CDH13: variants seen among roughly 807,000 people sequenced by gnomAD.
The protein encoded by CDH13 is cadherin-13.
Under a neutral mutation model 63.8 loss-of-function variants are expected in CDH13, and 24 were observed. That is an observed-to-expected ratio of 0.38 (90% CI 0.27 to 0.53). The LOEUF (loss-of-function observed/expected upper bound fraction) is 0.53, where lower values mean the gene tolerates loss of function less well. Among genes scored for constraint, CDH13 ranks in the 20% least tolerant of loss-of-function variants. The pLI is 0.85. For missense variants in CDH13, 1,049 were observed against 903.1 expected (o/e 1.16, Z -2.07); for synonymous variants, 503 against 355.3 (o/e 1.42, Z -4.67).
intron 6 of CDH13, among the ~76,000 whole-genome samples, chr16:83,436,531 A>G (rs79716069): frequency 0.048 from 7,319 of 152,288 alleles, 186 homozygotes; most frequent in South Asian, 0.097. Context: ...TCTTCATGCC[A>G]TGGACACCTT....
chr16:83,214,541 C>G (rs1371711085), intron 4 of CDH13, among the ~76,000 whole-genome samples: 4 of 119,890 alleles, frequency 3.3e-5, no homozygotes, highest in African/African-American at 1.2e-4. Flanking sequence ...AATTGCACCA[C>G]TGCATTCCAG....
At chr16:82,829,062 T>C (rs1438330871) in intron 1 of CDH13, among the ~76,000 whole-genome samples, 1 of 152,156 alleles carries the variant, frequency 6.6e-6, no homozygotes, top group East Asian at 1.9e-4. Context: ...TATGAAACAA[T>C]ACATTGTCCA....
At chr16:83,782,079 G>C (rs153650) in intron 12 of CDH13, among the ~76,000 whole-genome samples, 123,074 of 152,100 alleles carry the variant, frequency 0.81, 49,813 homozygotes, top group Admixed American at 0.84. Context: ...CATGCTTCAT[G>C]TATTTTTATT....
intron 2 of CDH13, among the ~76,000 whole-genome samples, chr16:82,886,282 G>T (rs2040883389): frequency 1.3e-5 from 2 of 152,102 alleles, no homozygotes. Context: ...AAGTGAAATT[G>T]GTGGTTACAG....
intron 9 of CDH13, among the ~76,000 whole-genome samples, chr16:83,676,245 T>C (rs930548310): frequency 4.6e-5 from 7 of 152,168 alleles, no homozygotes; most frequent in Non-Finnish European, 8.8e-5. Flanking sequence ...TCCTCCTGCT[T>C]GTGCATACGT....
intron 7 of CDH13, among the ~76,000 whole-genome samples, chr16:83,589,154 T>C (rs1906469757): frequency 6.6e-6 from 1 of 152,120 alleles, no homozygotes; most frequent in Admixed American, 6.5e-5. Flanking sequence ...TAAAGGCCCC[T>C]GGAATTCCTT....
At chr16:82,706,953 T>C (rs532122383) in intron 1 of CDH13, among the ~76,000 whole-genome samples, 5 of 152,324 alleles carry the variant, frequency 3.3e-5, no homozygotes, top group African/African-American at 1.2e-4. Context: ...GTTATAAAAT[T>C]ATTCTGCCTT....
intron 5 of CDH13, among the ~76,000 whole-genome samples, chr16:83,304,465 C>A (rs1368056747): frequency 1.3e-5 from 2 of 151,840 alleles, no homozygotes; most frequent in Admixed American, 6.6e-5. Context: ...TTCAAGCTTC[C>A]CTAGAAGTCT....
At chr16:83,754,462 G>A (rs937752731) in intron 11 of CDH13, among the ~76,000 whole-genome samples, 1 of 152,100 alleles carries the variant, frequency 6.6e-6, no homozygotes, top group East Asian at 1.9e-4. Context: ...TTACTAAGTT[G>A]ATGAAGCAAG....
At chr16:82,704,696 G>T (rs1361324335) in intron 1 of CDH13, among the ~76,000 whole-genome samples, 1 of 152,200 alleles carries the variant, frequency 6.6e-6, no homozygotes, top group Non-Finnish European at 1.5e-5. Context: ...CAGTCATCAA[G>T]AGCTAAGGAT....
intron 10 of CDH13, among the ~76,000 whole-genome samples, chr16:83,746,871 T>C (rs1912633360): frequency 6.6e-6 from 1 of 152,222 alleles, no homozygotes; most frequent in Admixed American, 6.5e-5. Context: ...TATGCATCTA[T>C]ATTGTTTAAA....
At chr16:82,757,374 T>C (rs2034650560) in intron 1 of CDH13, among the ~76,000 whole-genome samples, 1 of 152,214 alleles carries the variant, frequency 6.6e-6, no homozygotes, top group African/African-American at 2.4e-5. Context: ...GCCCTTGTCT[T>C]GAGCTTACAG....
At chr16:83,162,043 T>TG (rs2037469235) in intron 4 of CDH13, among the ~76,000 whole-genome samples, 1 of 152,240 alleles carries the variant, frequency 6.6e-6, no homozygotes. Flanking sequence ...TCCCTTTGTT[T>TG]GGGGGTTAGG....
At chr16:83,031,963 C>G (rs781266482) in intron 2 of CDH13, 47 bp from the exon 3 acceptor site, 2 of 1,438,448 alleles carry the variant, frequency 1.4e-6, no homozygotes, top group South Asian at 2.5e-5. Context: ...CAGAGATAAG[C>G]TGCCCAACCT....
intron 6 of CDH13, among the ~76,000 whole-genome samples, chr16:83,416,926 G>C (rs1322499137): frequency 6.6e-6 from 1 of 152,150 alleles, no homozygotes; most frequent in East Asian, 1.9e-4. Flanking sequence ...AAAGTCTTTA[G>C]AACAGTGCCC....
At chr16:82,939,314 T>C (rs1444517640) in intron 2 of CDH13, among the ~76,000 whole-genome samples, 2 of 152,032 alleles carry the variant, frequency 1.3e-5, no homozygotes, top group Non-Finnish European at 2.9e-5. Flanking sequence ...TTCCAGCTAC[T>C]CAATAGGCTG....
At chr16:83,534,615 G>A (rs576848730) in intron 7 of CDH13, among the ~76,000 whole-genome samples, 12 of 152,298 alleles carry the variant, frequency 7.9e-5, no homozygotes, top group South Asian at 2.1e-4. Context: ...TGTAAGGTAC[G>A]TCATAGTGTT....
intron 2 of CDH13, among the ~76,000 whole-genome samples, chr16:82,983,458 T>C (rs530238426): frequency 1.2e-3 from 179 of 152,306 alleles, no homozygotes; most frequent in African/African-American, 4.0e-3. Flanking sequence ...CAAGACCTGA[T>C]GGTGAAGCCC....
At chr16:83,775,528 C>G (rs553015190) in intron 11 of CDH13, among the ~76,000 whole-genome samples, 1 of 152,070 alleles carries the variant, frequency 6.6e-6, no homozygotes, top group Non-Finnish European at 1.5e-5. Flanking sequence ...GAGAACATGG[C>G]CCCTGGGCTC....
Sources: gnomAD v4.1 joint callset for allele counts (sites outside exome capture counted in the v4.1 genomes callset) on GRCh38, gnomAD v4.1.1 for gene constraint, MANE v1.5 for transcripts, NCBI Gene and HGNC (gene_info 2026-07-23, HGNC 2026-07-21) for gene names.